Variants in SLC25A17 observed in about 807,000 individuals in gnomAD.
SLC25A17 encodes the protein peroxisomal membrane protein PMP34.
A neutral mutation model predicts 38.5 loss-of-function variants in SLC25A17; 26 were observed. The observed-to-expected ratio is 0.68, with a 90% CI of 0.50 to 0.94. The LOEUF is 0.94. SLC25A17 is among the 40% of genes least tolerant of loss of function. The pLI is 0.00. For synonymous variants in SLC25A17, 139 were observed against 136.2 expected (o/e 1.02, Z -0.14); for missense variants, 333 against 372.7 (o/e 0.89, Z 0.88).
chr22:40,799,363 C>CTTTTT (rs566690843), intron 1 of SLC25A17, among the ~76,000 whole-genome samples: 2 of 135,152 alleles, frequency 1.5e-5, no homozygotes, highest in Admixed American at 7.5e-5. Flanking sequence ...GGAGTCACAA[C>CTTTTT]TTTTTTTTTT....
At position 40,791,862 on chromosome 22, in the gene SLC25A17, G is replaced by C. The variant is rs536821137; in HGVS notation, c.334+663C>G. Among the ~76,000 whole-genome samples, 102 of 152,246 alleles carry C rather than the reference G, an allele frequency of 6.7e-4. 1 individual carries two copies. Among genetic ancestry groups the C allele is most frequent in the Non-Finnish European group, 7.4e-4 (50 of 68,002 alleles). On this transcript the variant is annotated intron_variant, in intron 4 of 8. Transcript: ENST00000435456. ...GAGAAAACTGAACAGAATTCCAAAT[G>C]ATCCAGCAATCCCACTTCTGGGTAT... is the stretch of plus-strand genomic sequence containing the variant.
intron 8 of SLC25A17, among the ~76,000 whole-genome samples, chr22:40,773,286 T>C (rs149544055): frequency 0.029 from 4,466 of 151,960 alleles, 214 homozygotes; most frequent in African/African-American, 0.1. Context: ...GGCAGGCGCC[T>C]GTAGTCCCAG....
chr22:40,782,233 C>A (rs1285962831), intron 4 of SLC25A17, among the ~76,000 whole-genome samples: 1 of 151,528 alleles, frequency 6.6e-6, no homozygotes, highest in African/African-American at 2.4e-5. Flanking sequence ...ACAACAACAA[C>A]AACAACAACA....
intron 1 of SLC25A17, among the ~76,000 whole-genome samples, chr22:40,804,295 G>A (rs191009598): frequency 9.2e-5 from 14 of 152,286 alleles, no homozygotes; most frequent in Non-Finnish European, 1.3e-4. Context: ...CAGAGCAAGT[G>A]TGTACTTGGG....
intron 4 of SLC25A17, among the ~76,000 whole-genome samples, chr22:40,791,652 T>G (rs530892549): frequency 6.6e-6 from 1 of 152,308 alleles, no homozygotes; most frequent in Admixed American, 6.5e-5. Context: ...ATGTTCAGCA[T>G]CACTAATCAT....
At chr22:40,784,798 A>G (rs1032751062) in intron 4 of SLC25A17, among the ~76,000 whole-genome samples, 1 of 151,280 alleles carries the variant, frequency 6.6e-6, no homozygotes, top group Non-Finnish European at 1.5e-5. Context: ...AAAAAAAAAA[A>G]AAAAAAAGAA....
chr22:40,802,855 C>A (rs1185804584), intron 1 of SLC25A17, among the ~76,000 whole-genome samples: 1 of 152,018 alleles, frequency 6.6e-6, no homozygotes, highest in Non-Finnish European at 1.5e-5. Flanking sequence ...TAAAAGAATA[C>A]CACAGTGAGA....
At chr22:40,802,609 C>T (rs1341614471) in intron 1 of SLC25A17, among the ~76,000 whole-genome samples, 1 of 152,072 alleles carries the variant, frequency 6.6e-6, no homozygotes, top group African/African-American at 2.4e-5. Flanking sequence ...CGTGCCACTG[C>T]ACTCCAGCCT....
chr22:40,788,611 A>T (rs1333265529), intron 4 of SLC25A17, among the ~76,000 whole-genome samples: 1 of 152,174 alleles, frequency 6.6e-6, no homozygotes, highest in Non-Finnish European at 1.5e-5. Flanking sequence ...GAATCACTTG[A>T]ACCTGGGAGG....
chr22:40,793,340 T>G (rs1188099562), intron 3 of SLC25A17, among the ~76,000 whole-genome samples: 1 of 152,122 alleles, frequency 6.6e-6, no homozygotes, highest in Admixed American at 6.6e-5. Context: ...AGGGGAAAAA[T>G]GTTGATAAAG....
intron 5 of SLC25A17, 51 bp downstream of exon 5, chr22:40,778,958 A>G (rs2057270768): frequency 6.8e-7 from 1 of 1,460,846 alleles, no homozygotes; most frequent in African/African-American, 1.4e-5. Flanking sequence ...TATTCCAGAT[A>G]CAAAGAAGGA....
chr22:40,797,200 A>C, intron 2 of SLC25A17: 1 of 619,658 alleles, frequency 1.6e-6, no homozygotes, highest in South Asian at 1.5e-5. Context: ...ATGTAAAATT[A>C]TTTATCCAAA....
intron 2 of SLC25A17, among the ~76,000 whole-genome samples, 167 bp from the exon 3 acceptor site, chr22:40,794,747 G>A (rs1236273113): frequency 4.6e-5 from 7 of 152,192 alleles, no homozygotes; most frequent in Middle Eastern, 3.4e-3. Flanking sequence ...AGCCTCCCAA[G>A]TAGCTGGGAT....
intron 2 of SLC25A17, among the ~76,000 whole-genome samples, chr22:40,796,595 G>T (rs1020108176): frequency 1.2e-4 from 18 of 151,394 alleles, no homozygotes; most frequent in Admixed American, 9.9e-4. Context: ...ACTCCAACCT[G>T]GGTAAGAGAG....
chr22:40,794,657 T>A (rs1471357694), intron 2 of SLC25A17, 77 bp from the exon 3 acceptor site: 13 of 771,082 alleles, frequency 1.7e-5, no homozygotes, highest in Non-Finnish European at 2.6e-5. Context: ...TCTCACTCTG[T>A]CGCCCAGGCT....
intron 5 of SLC25A17, among the ~76,000 whole-genome samples, chr22:40,778,090 A>G (rs1206587126): frequency 1.3e-5 from 2 of 152,204 alleles, no homozygotes; most frequent in Non-Finnish European, 2.9e-5. Context: ...CTATTTCACT[A>G]CAAAGATTGA....
intron 1 of SLC25A17, among the ~76,000 whole-genome samples, chr22:40,811,714 T>C (rs2057583232): frequency 1.3e-5 from 2 of 152,062 alleles, no homozygotes; most frequent in Admixed American, 1.3e-4. Context: ...CCAGGCTCTT[T>C]TAAATAACCA....
chr22:40,788,970 C>T, intron 4 of SLC25A17: 1 of 328,938 alleles, frequency 3.0e-6, no homozygotes, highest in Non-Finnish European at 6.0e-6. Context: ...TCAGGATTTC[C>T]CCATAGAAGT....
intron 4 of SLC25A17, among the ~76,000 whole-genome samples, chr22:40,788,081 T>C (rs1281078588): frequency 6.6e-6 from 1 of 152,176 alleles, no homozygotes; most frequent in East Asian, 1.9e-4. Context: ...TTATAAGCCT[T>C]CTCTATTTAG....
Sources: allele counts gnomAD v4.1 joint callset (sites outside exome capture counted in the v4.1 genomes callset), GRCh38; gene constraint gnomAD v4.1.1; transcripts MANE v1.5; gene names NCBI Gene and HGNC (gene_info 2026-07-23, HGNC 2026-07-21).